SLC9A5: variants seen among roughly 807,000 people sequenced by gnomAD.
SLC9A5 encodes solute carrier family 9 member A5, also known as sodium/hydrogen exchanger 5.
SLC9A5 carries 52 observed loss-of-function variants against 91.7 expected under a neutral mutation model. That is an observed-to-expected ratio of 0.57 (90% CI 0.45 to 0.71). The LOEUF (loss-of-function observed/expected upper bound fraction) is 0.71. SLC9A5 is among the 30% of genes least tolerant of loss of function. The probability of loss-of-function intolerance (pLI) is 0.00; values close to 1 mark genes in which losing one functional copy is unlikely to be tolerated. For synonymous variants in SLC9A5, 419 were observed against 474.5 expected (o/e 0.88, Z 1.52); for missense variants, 871 against 1,158.9 (o/e 0.75, Z 3.61).
chr16:67,255,956 G>T lies in SLC9A5; in HGVS notation c.911+26G>T. The T allele has an allele frequency of 6.2e-7, 1 of 1,606,426 alleles. No homozygotes were observed. Among genetic ancestry groups the T allele is most frequent in the African/African-American group, 1.3e-5 (1 of 74,958 alleles). ...GTGAGTTCTGGGGGCCTTGCAGGCAGATAGCTGGGAGGGGGCACTGGAGAT... is the reference window on the plus strand; with the variant it reads ...GTGAGTTCTGGGGGCCTTGCAGGCATATAGCTGGGAGGGGGCACTGGAGAT... On this transcript the variant is annotated intron_variant, in intron 5 of 15. Transcript: ENST00000299798. This position sits in a 1 kb window ranked among gnomAD's most constrained non-coding sequence, Gnocchi z 4.9.
rs2035284172 is a variant in SLC9A5 at position 67,255,568 on chromosome 16, G to A, written c.733+97G>A. 1 of 1,380,286 alleles carries A rather than the reference G, an allele frequency of 7.2e-7. No homozygotes were observed. The highest frequency in any genetic ancestry group is 1.0e-6 in the Non-Finnish European group (1 of 975,204). The allele number at this position is 1,380,286 out of a possible 1,614,324, so 85.5% of individuals were successfully genotyped here. Reference sequence around the variant, plus strand: ...GCATCAGGACAGAAGAGGCTATTCGGGTTGCCTCATCTCCTCTATAGAGAA... The same window carrying A: ...GCATCAGGACAGAAGAGGCTATTCGAGTTGCCTCATCTCCTCTATAGAGAA... On this transcript the variant is annotated intron_variant, in intron 4 of 15. Transcript: ENST00000299798. This position sits in a 1 kb window ranked among gnomAD's most constrained non-coding sequence, Gnocchi z 4.9.
At chr16:67,267,081 GTTTTTTT>G in intron 15 of SLC9A5, among the ~76,000 whole-genome samples, 1 of 47,760 alleles carries the variant, frequency 2.1e-5, no homozygotes, top group East Asian at 6.1e-4. Flanking sequence ...CCCAGCTGTT[GTTTTTTT>G]TTTTTTTTTT....
Position 67,252,452 on chromosome 16 carries a change from A to G in SLC9A5, c.188-90A>G. 11 of 1,257,412 alleles carry G rather than the reference A, an allele frequency of 8.7e-6. No individual in the cohort carries two copies. Among genetic ancestry groups the G allele is most frequent in the Non-Finnish European group, 1.2e-5 (11 of 909,740 alleles). 77.9% of individuals were successfully genotyped at this position (1,257,412 alleles called of 1,614,324 possible). A position where few individuals can be genotyped will look rare whatever the true frequency, so the allele number is the denominator to read the frequency against. On this transcript the variant is annotated intron_variant, in intron 1 of 15. Transcript: ENST00000299798. This position sits in a 1 kb window ranked among gnomAD's most constrained non-coding sequence, Gnocchi z 4.0. ...GCAACAGAGTGAGACTTCATCTCAA[A>G]AAAAAAAAAACAAAACTGGGAGTTC...
chr16:67,254,895 C>T (rs1368556595), intron 2 of SLC9A5, 126 bp from the exon 3 acceptor site: 3 of 869,764 alleles, frequency 3.4e-6, no homozygotes, highest in Non-Finnish European at 5.2e-6. Context: ...TCTTTGCCAT[C>T]CCAAGTCCTC....
Position 67,264,507 on chromosome 16 carries a change from G to A in SLC9A5, c.1998G>A (p.Lys666=), listed in dbSNP as rs573957906. ...CCAAGAGCAAGCCACGACCCCGCAA[G>A]ACTGGCCGCAGGAAGGCATGTCTTC... ...CFTKSKPRPR[K]TGRRKKDGVA... is the part of the protein sequence containing the mutation. Residue 666 remains lysine, a synonymous_variant, in exon 13 of 16, where the codon AAG becomes AAA. Transcript: ENST00000299798. 1 of 1,614,212 alleles carries A rather than the reference G, an allele frequency of 6.2e-7. No individual in the cohort carries two copies. Among genetic ancestry groups the A allele is most frequent in the African/African-American group, 1.3e-5 (1 of 75,064 alleles).
rs1236567192 is a variant in SLC9A5, at chr16:67,264,650, A to G, written c.2013+128A>G. 1.8e-5 allele frequency: 16 copies of G among 891,290 alleles called. No individual in the cohort carries two copies. The Admixed American group carries it at 3.9e-4, about 21-fold the overall frequency. The allele number at this position is 891,290 out of a possible 1,614,324, so 55.2% of individuals were successfully genotyped here. ...GACAGTCCTCAGGGGCTTGATGACT[A>G]CAGCAGTTTGGGTTCCCTTTTAGAT... On this transcript the variant is annotated intron_variant, in intron 13 of 15. Coordinates refer to ENST00000299798, the MANE Select transcript of SLC9A5 (RefSeq NM_004594.3).
chr16:67,259,674 G>GACCCTT lies in SLC9A5; in HGVS notation c.1715+13_1715+14insACCCTT. ...TCACCAACCTGCTGTGAGTCCTTGA[G>GACCCTT]CCCCTTCCCCTTCCTCATACTCCTC... On this transcript the variant is annotated intron_variant, in intron 11 of 15. Coordinates refer to ENST00000299798, the MANE Select transcript of SLC9A5 (RefSeq NM_004594.3). 2 of 1,613,062 alleles carry GACCCTT rather than the reference G, an allele frequency of 1.2e-6. No individual in the cohort carries two copies. Among genetic ancestry groups the GACCCTT allele is most frequent in the Non-Finnish European group, 1.7e-6 (2 of 1,179,122 alleles).
chr16:67,271,049 A>G lies in SLC9A5; in HGVS notation c.2530A>G (p.Ser844Gly). 1 of 1,612,118 alleles carries G rather than the reference A, an allele frequency of 6.2e-7. No individual in the cohort carries two copies. The highest frequency in any genetic ancestry group is 1.7e-4 in the Middle Eastern group (1 of 6,056). ...DPRSSFAFPP[S>G]LAKAGRSRSE... is the part of the protein sequence containing the mutation. Reference sequence around the variant, plus strand: ...ACGCTCTAGCTTCGCCTTCCCACCGAGCCTGGCCAAGGCTGGCCGCTCTCG... The same window carrying G: ...ACGCTCTAGCTTCGCCTTCCCACCGGGCCTGGCCAAGGCTGGCCGCTCTCG... The change falls in exon 16 of 16, where the codon AGC becomes GGC. Residue 844 changes from serine (S) to glycine (G), a missense_variant. Ser to Gly is a moderately conservative substitution (Grantham distance 56, BLOSUM62 0). Transcript: ENST00000299798.
rs372097851 is a variant in SLC9A5 at position 67,257,904 on chromosome 16, C to T, written c.1496+303C>T. Among the ~76,000 whole-genome samples the T allele has an allele frequency of 3.3e-5, 5 of 152,204 alleles. No individual in the cohort carries two copies. The East Asian group carries it at 9.6e-4, about 29-fold the overall frequency. The stretch of plus-strand genomic sequence containing the variant: ...TTAGATCCTCAGGACCCACCATGCT[C>T]CCCCAGCCTGGCCACTGGGACCTTC... On this transcript the variant is annotated intron_variant, in intron 9 of 15. Coordinates refer to ENST00000299798, the MANE Select transcript of SLC9A5 (RefSeq NM_004594.3). This position sits in a 1 kb window ranked among gnomAD's most constrained non-coding sequence, Gnocchi z 5.1.
At position 67,255,079 on chromosome 16, in the gene SLC9A5, G is replaced by A. The variant is rs374255508; in HGVS notation, c.549G>A (p.Ala183=). Residue 183 remains alanine, a synonymous_variant, in exon 3 of 16, where the codon GCG becomes GCA. Coordinates refer to ENST00000299798, the MANE Select transcript of SLC9A5 (RefSeq NM_004594.3). The surrounding 1 kb of genome is among the most constrained non-coding windows in gnomAD (Gnocchi z 4.9). ...TGCTGTTTGGGAGCCTCATCTCGGCGGTGGACCCCGTGGCCGTGCTAGCTG... is the reference window on the plus strand; with the variant it reads ...TGCTGTTTGGGAGCCTCATCTCGGCAGTGGACCCCGTGGCCGTGCTAGCTG... ...DFLLFGSLIS[A]VDPVAVLAVF... The A allele has an allele frequency of 5.7e-5, 92 of 1,613,922 alleles. No individual in the cohort carries two copies. Among genetic ancestry groups the A allele is most frequent in the Non-Finnish European group, 7.6e-5 (90 of 1,179,998 alleles).
intron 15 of SLC9A5, among the ~76,000 whole-genome samples, chr16:67,266,644 A>C (rs1183981056): frequency 6.6e-6 from 1 of 151,840 alleles, no homozygotes; most frequent in Non-Finnish European, 1.5e-5. Context: ...GGGTTCAAGC[A>C]ATTCTCCTGC....
intron 15 of SLC9A5, among the ~76,000 whole-genome samples, chr16:67,267,008 G>C (rs1393201926): frequency 6.7e-6 from 1 of 149,364 alleles, no homozygotes; most frequent in East Asian, 2.0e-4. Context: ...GATCTCCAGG[G>C]CTCAAGTGAT....
intron 14 of SLC9A5, 106 bp from the exon 15 acceptor site, chr16:67,265,982 C>A: frequency 6.9e-7 from 1 of 1,447,294 alleles, no homozygotes; most frequent in Non-Finnish European, 9.3e-7. Flanking sequence ...GTGTCTCTGC[C>A]AACGTGTGTT....
chr16:67,265,683 A>G (rs911351588), intron 14 of SLC9A5, among the ~76,000 whole-genome samples: 9 of 152,072 alleles, frequency 5.9e-5, no homozygotes, highest in Non-Finnish European at 1.2e-4. Flanking sequence ...TCAGCTTCCC[A>G]AAGTGTTGGG....
Position 67,270,785 on chromosome 16 carries a change from A to T in SLC9A5, c.2266A>T (p.Thr756Ser). 1 of 1,613,676 alleles carries T rather than the reference A, an allele frequency of 6.2e-7. No homozygotes were observed. The highest frequency in any genetic ancestry group is 8.5e-7 in the Non-Finnish European group (1 of 1,179,824). ...CCCACGAATCATTCCCCCCTCCCCA[A>T]CCTGTGCAGAAAAGGAGCTCCCCTG... ...PSPRIIPPSP[T>S]CAEKELPWKS... is the part of the protein sequence containing the mutation. The change falls in exon 16 of 16, where the codon ACC (threonine) becomes TCC (serine). Residue 756 changes from threonine to serine, a missense_variant. Thr to Ser is a moderately conservative substitution (Grantham distance 58). This residue lies in a region of SLC9A5 where 295 missense variants were observed against 326.0 expected (regional missense o/e 0.90). Transcript: ENST00000299798. This position sits in a 1 kb window ranked among gnomAD's most constrained non-coding sequence, Gnocchi z 4.3.
chr16:67,270,989 G>A lies in SLC9A5; in HGVS notation c.2470G>A (p.Glu824Lys). The A allele has an allele frequency of 1.2e-6, 2 of 1,614,022 alleles. No homozygotes were observed. ...GCCTCCCCATCCACGGGGCACTGAA[G>A]AGCCCCAGGTCCCTCTCCACCTACC... is the stretch of plus-strand genomic sequence containing the variant. ...CLPPHPRGTE[E>K]PQVPLHLPSD... is the part of the protein sequence containing the mutation. Residue 824 changes from glutamate (E) to lysine (K), a missense_variant, in exon 16 of 16, where the codon GAG becomes AAG. This residue lies in a region of SLC9A5 where 295 missense variants were observed against 326.0 expected (regional missense o/e 0.90). Coordinates refer to ENST00000299798, the MANE Select transcript of SLC9A5 (RefSeq NM_004594.3). The surrounding 1 kb of genome is among the most constrained non-coding windows in gnomAD (Gnocchi z 4.3).
At position 67,265,114 on chromosome 16, in the gene SLC9A5, G is replaced by A. The variant is rs2035656980; in HGVS notation, c.2080+8G>A. On this transcript the variant is annotated splice_region_variant and intron_variant, in intron 14 of 15. Transcript: ENST00000299798. ...TGGGCTTTCAGGACACAGGCAAGCA[G>A]GGAGCAGTGTGGGATTGAGGATGGG... 1.2e-6 allele frequency: 2 copies of A among 1,613,748 alleles called. No homozygotes were observed. Among genetic ancestry groups the A allele is most frequent in the East Asian group, 2.2e-5 (1 of 44,884 alleles).
At chr16:67,262,111 G>C in intron 12 of SLC9A5, 1 of 348,636 alleles carries the variant, frequency 2.9e-6, no homozygotes, top group East Asian at 7.7e-5. Context: ...TGGTTCCCAT[G>C]TCTGCCACCA....
At position 67,255,929 on chromosome 16, in the gene SLC9A5, G is replaced by T; in HGVS notation, c.910G>T (p.Ala304Ser). 1 of 1,612,868 alleles carries T rather than the reference G, an allele frequency of 6.2e-7. No homozygotes were observed. Residue 304 changes from alanine to serine, a missense_variant and splice_region_variant, in exon 5 of 16, where the codon GCG becomes TCG. Ala to Ser is a moderately conservative substitution (Grantham distance 99, BLOSUM62 1). Coordinates refer to ENST00000299798, the MANE Select transcript of SLC9A5 (RefSeq NM_004594.3). The surrounding 1 kb of genome is among the most constrained non-coding windows in gnomAD (Gnocchi z 4.9). ...AEMASLSAIL[A>S]VTMCGLGCKK... Reference sequence around the variant, plus strand: ...AATGGCCTCGCTCTCCGCCATTCTTGCGTGAGTTCTGGGGGCCTTGCAGGC... The same window carrying T: ...AATGGCCTCGCTCTCCGCCATTCTTTCGTGAGTTCTGGGGGCCTTGCAGGC...
Sources: allele counts gnomAD v4.1 joint callset (sites outside exome capture counted in the v4.1 genomes callset), GRCh38; gene constraint gnomAD v4.1.1; regional missense constraint gnomAD v4.1.1; non-coding constraint Gnocchi (gnomAD v3.1); transcripts MANE v1.5; gene names NCBI Gene and HGNC (gene_info 2026-07-23, HGNC 2026-07-21).